INCENP: variants seen among roughly 807,000 people sequenced by gnomAD.
INCENP encodes binds and activates aurora-B and -C in vivo and in vitro.
INCENP carries 43 observed loss-of-function variants against 107.3 expected under a neutral mutation model. The ratio of observed to expected loss-of-function variants is 0.40; its 90% confidence interval spans 0.31 to 0.52. INCENP has a LOEUF of 0.52. Among genes scored for constraint, INCENP ranks in the 20% least tolerant of loss-of-function variants. The pLI is 0.53. For missense variants in INCENP, 1,089 were observed against 1,250.9 expected (o/e 0.87, Z 1.95); for synonymous variants, 488 against 494.4 (o/e 0.99, Z 0.17).
rs1331518602 is a variant in INCENP at position 62,146,667 on chromosome 11, G to C, written c.1969G>C (p.Glu657Gln). The C allele has an allele frequency of 6.4e-7, 1 of 1,551,030 alleles. No homozygotes were observed. Among genetic ancestry groups the C allele is most frequent in the Admixed American group, 2.0e-5 (1 of 51,000 alleles). The change falls in exon 15 of 19, where the codon GAG becomes CAG. Residue 657 changes from glutamate (E) to glutamine (Q), a missense_variant. Physicochemically the swap from Glu to Gln is conservative, Grantham distance 29 (BLOSUM62 2). Transcript: ENST00000394818. ...TTGCTCTCTGTTTCAGGAGGAGGAA[G>C]AGCGGCGGCACCAAGAGCTGCTGCA... ...RLRWLQQEEE[E>Q]RRHQELLQKK...
chr11:62,133,083 G>A (rs148708865), intron 4 of INCENP, among the ~76,000 whole-genome samples: 220 of 152,274 alleles, frequency 1.4e-3, no homozygotes, highest in African/African-American at 4.8e-3. Flanking sequence ...GGAGTGGGGC[G>A]GTGACAGGGG....
At chr11:62,148,439 C>T (rs980505995) in intron 15 of INCENP, 37 bp from the exon 16 acceptor site, 3 of 1,571,410 alleles carry the variant, frequency 1.9e-6, no homozygotes, top group Non-Finnish European at 2.6e-6. Context: ...GCTGGGCCTC[C>T]ACTTCCTGTC....
At chr11:62,140,103 C>T (rs568925309) in intron 7 of INCENP, 131 bp from the exon 8 acceptor site, 9 of 752,130 alleles carry the variant, frequency 1.2e-5, no homozygotes, top group East Asian at 2.5e-5. Context: ...TTGGCCACCC[C>T]GGAGCTGCCA....
rs199897189 is a variant in INCENP, at chr11:62,140,243, C to T, written c.1301C>T (p.Thr434Met). Residue 434 changes from threonine (T) to methionine (M), a missense_variant, in exon 8 of 19, where the codon ACG becomes ATG. Coordinates refer to ENST00000394818, the MANE Select transcript of INCENP (RefSeq NM_001040694.2). ...TPSAGQQEAK[T>M]DQADGPREPP... The stretch of plus-strand genomic sequence containing the variant: ...ATTGCTGTCTTCACAGAGGCCAAGA[C>T]GGACCAAGCAGATGGACCCAGAGAG... The T allele has an allele frequency of 3.2e-5, 51 of 1,613,454 alleles. No homozygotes were observed. The highest frequency in any genetic ancestry group is 1.6e-4 in the Middle Eastern group (1 of 6,084).
At chr11:62,131,707 A>T (rs1040926977) in intron 4 of INCENP, among the ~76,000 whole-genome samples, 2 of 152,122 alleles carry the variant, frequency 1.3e-5, no homozygotes, top group African/African-American at 2.4e-5. Context: ...GAGACCAGAT[A>T]GGAGGCTGCT....
intron 15 of INCENP, 138 bp from the exon 16 acceptor site, chr11:62,148,337 TA>T: frequency 1.4e-6 from 1 of 738,834 alleles, no homozygotes; most frequent in Non-Finnish European, 2.2e-6. Flanking sequence ...CTCTTGGCTC[TA>T]AGCTGGTTGC....
chr11:62,148,591 G>C, intron 16 of INCENP, 37 bp downstream of exon 16: 1 of 1,576,792 alleles, frequency 6.3e-7, no homozygotes, highest in Non-Finnish European at 8.6e-7. Flanking sequence ...CCTGGGGTCT[G>C]CCCTGAGCTG....
intron 18 of INCENP, 117 bp from the exon 19 acceptor site, chr11:62,151,645 G>A (rs1035119170): frequency 7.6e-6 from 6 of 785,006 alleles, no homozygotes; most frequent in Admixed American, 4.4e-5. Flanking sequence ...GGGCTGAAGA[G>A]GGTGACAGAG....
At chr11:62,149,953 T>C (rs577979135) in intron 17 of INCENP, 104 bp from the exon 18 acceptor site, 2 of 1,138,334 alleles carry the variant, frequency 1.8e-6, no homozygotes, top group East Asian at 4.8e-5. Flanking sequence ...GCACCTTTTG[T>C]TTCTCCTGTG....
At chr11:62,148,037 A>C (rs1453168211) in intron 15 of INCENP, among the ~76,000 whole-genome samples, 1 of 152,194 alleles carries the variant, frequency 6.6e-6, no homozygotes, top group Non-Finnish European at 1.5e-5. Context: ...GTTCAAAGTC[A>C]TGAGCCAGTG....
intron 14 of INCENP, among the ~76,000 whole-genome samples, chr11:62,145,978 C>G (rs544408831): frequency 6.6e-6 from 1 of 152,240 alleles, no homozygotes; most frequent in South Asian, 2.1e-4. Context: ...TACTTGGAGC[C>G]AGACTGCCTA....
At position 62,151,932 on chromosome 11, in the gene INCENP, G is replaced by A. The variant is rs746648988; in HGVS notation, c.2713G>A (p.Ala905Thr). The change falls in exon 19 of 19, where the codon GCC becomes ACC. Residue 905 changes from alanine to threonine, a missense_variant. Ala to Thr is a moderately conservative substitution (Grantham distance 58). Coordinates refer to ENST00000394818, the MANE Select transcript of INCENP (RefSeq NM_001040694.2). The part of the protein sequence containing the change: ...AVWNSPPLQG[A>T]RVPSSLAYSL... ...CTGGAACTCACCGCCCCTGCAGGGC[G>A]CCAGGGTCCCCAGCAGCCTGGCCTA... 8.1e-6 allele frequency: 13 copies of A among 1,612,818 alleles called. No homozygotes were observed. The highest frequency in any genetic ancestry group is 3.3e-5 in the South Asian group (3 of 91,094).
chr11:62,148,286 C>T (rs1003942983), intron 15 of INCENP, among the ~76,000 whole-genome samples, 190 bp from the exon 16 acceptor site: 8 of 152,200 alleles, frequency 5.3e-5, no homozygotes, highest in African/African-American at 1.9e-4. Flanking sequence ...TTCCCTGCAC[C>T]CTCAGGTGTG....
Position 62,129,958 on chromosome 11 carries a change from C to T in INCENP, c.431C>T (p.Pro144Leu). ...ATGGCATTGGCTGCACCTTCTTCAC[C>T]CACCCCTGAGTCTCCCACGATGCTG... Reference protein sequence around the residue: ...ATMALAAPSSPTPESPTMLTK... With the variant: ...ATMALAAPSSLTPESPTMLTK... Residue 144 changes from proline (P) to leucine (L), a missense_variant, in exon 4 of 19, where the codon CCC (proline) becomes CTC (leucine). Coordinates refer to ENST00000394818, the MANE Select transcript of INCENP (RefSeq NM_001040694.2). 1 of 1,614,134 alleles carries T rather than the reference C, an allele frequency of 6.2e-7. No homozygotes were observed. Among genetic ancestry groups the T allele is most frequent in the Non-Finnish European group, 8.5e-7 (1 of 1,180,030 alleles).
intron 10 of INCENP, among the ~76,000 whole-genome samples, chr11:62,141,249 C>T: frequency 6.6e-6 from 1 of 152,248 alleles, no homozygotes; most frequent in Admixed American, 6.5e-5. Flanking sequence ...CTTGTGGGCT[C>T]TGGACTACAG....
rs553469688 is a variant in INCENP at position 62,125,146 on chromosome 11, A to G, written c.-12+983A>G. Among the ~76,000 whole-genome samples, 3 of 152,310 alleles carry G rather than the reference A, an allele frequency of 2.0e-5. No homozygotes were observed. The South Asian group carries it at 6.2e-4, about 32-fold the overall frequency. ...TGCAGGTGCTTACATGGGTTGAAGAAGAGATTTTTGCTGCTCTTCCAGGAG... is the reference window on the plus strand; with the variant it reads ...TGCAGGTGCTTACATGGGTTGAAGAGGAGATTTTTGCTGCTCTTCCAGGAG... On this transcript the variant is annotated intron_variant, in intron 1 of 18. Coordinates refer to ENST00000394818, the MANE Select transcript of INCENP (RefSeq NM_001040694.2).
Position 62,146,991 on chromosome 11 carries a change from T to C in INCENP, c.2204+89T>C, listed in dbSNP as rs2926523. The C allele has an allele frequency of 4.1e-3, 6,288 of 1,544,342 alleles. 229 individuals are homozygous for C. In the African/African-American group the frequency reaches 0.076, roughly 19 times the overall value. On this transcript the variant is annotated intron_variant, in intron 15 of 18. Transcript: ENST00000394818. ...TTGCCTGGACACAGCCCCACCTGCA[T>C]GTGACGGTTTGCAGGTGCTTTCCTT...
In INCENP at chr11:62,130,512, G is replaced by A; in HGVS notation, c.985G>A (p.Glu329Lys). 3 of 1,614,112 alleles carry A rather than the reference G, an allele frequency of 1.9e-6. No individual in the cohort carries two copies. The highest frequency in any genetic ancestry group is 2.5e-6 in the Non-Finnish European group (3 of 1,180,046). The change falls in exon 4 of 19, where the codon GAA becomes AAA. Residue 329 changes from glutamate to lysine, a missense_variant. Coordinates refer to ENST00000394818, the MANE Select transcript of INCENP (RefSeq NM_001040694.2). ...AQKYSLVAKQ[E>K]SVVRRASRRL... ...GAAGTACTCTCTGGTGGCCAAACAGGAAAGTGTTGTCCGCAGGGCGAGCAG... is the reference window on the plus strand; with the variant it reads ...GAAGTACTCTCTGGTGGCCAAACAGAAAAGTGTTGTCCGCAGGGCGAGCAG...
At chr11:62,137,757 G>C in intron 4 of INCENP, 75 bp from the exon 5 acceptor site, 2 of 1,394,712 alleles carry the variant, frequency 1.4e-6, no homozygotes, top group Admixed American at 1.7e-5. Flanking sequence ...GCTGGAACCC[G>C]GTCCCCTGGA....
Sources: allele counts gnomAD v4.1 joint callset (sites outside exome capture counted in the v4.1 genomes callset), GRCh38; gene constraint gnomAD v4.1.1; transcripts MANE v1.5; gene names NCBI Gene and HGNC (gene_info 2026-07-23, HGNC 2026-07-21).